The following EPHA5 variants were observed in gnomAD, a reference collection of about 807,000 sequenced individuals.
The protein encoded by EPHA5 is ephrin type-A receptor 5.
Under a neutral mutation model 105.0 loss-of-function variants are expected in EPHA5, and 60 were observed. The observed-to-expected ratio is 0.57, with a 90% CI of 0.46 to 0.71. The LOEUF is 0.71. Ranked by LOEUF, EPHA5 falls within the 30% of genes least tolerant of loss-of-function variation. The pLI is 0.00. For missense variants in EPHA5, 1,218 were observed against 1,274.7 expected, an observed-to-expected ratio of 0.96 and a Z score of 0.68; for synonymous variants, 513 against 449.1, an observed-to-expected ratio of 1.14 and a Z score of -1.80.
chr4:65,336,072 A>G lies in EPHA5; in HGVS notation c.2649T>C (p.Pro883=), dbSNP rs759612873. 1.2e-6 allele frequency: 2 copies of G among 1,613,126 alleles called. No individual in the cohort carries two copies. Among genetic ancestry groups the G allele is most frequent in the Admixed American group, 3.3e-5 (2 of 59,860 alleles). ...GYRLPSPMDC[P]AALYQLMLDC... is the part of the protein sequence containing the mutation. Reference sequence around the variant, plus strand: ...CCAGCATTAACTGATAGAGAGCAGCAGGACAATCCATGGGGCTTGGCAGAC... The same window carrying G: ...CCAGCATTAACTGATAGAGAGCAGCGGGACAATCCATGGGGCTTGGCAGAC... Residue 883 remains proline, a synonymous_variant, in exon 15 of 17, where the codon CCT becomes CCC. Transcript: ENST00000613740.
intron 5 of EPHA5, among the ~76,000 whole-genome samples, chr4:65,474,170 C>A (rs904305099): frequency 6.6e-6 from 1 of 151,678 alleles, no homozygotes; most frequent in Non-Finnish European, 1.5e-5. Flanking sequence ...TAAAGTATAA[C>A]AATAATAATA....
At chr4:65,477,213 A>G (rs1285904301) in intron 5 of EPHA5, among the ~76,000 whole-genome samples, 2 of 152,186 alleles carry the variant, frequency 1.3e-5, no homozygotes, top group African/African-American at 4.8e-5. Context: ...CAGCAATTTA[A>G]GTGAATTTGA....
chr4:65,452,056 C>G (rs912864808), intron 5 of EPHA5, among the ~76,000 whole-genome samples: 2 of 152,118 alleles, frequency 1.3e-5, no homozygotes, highest in East Asian at 1.9e-4. Context: ...GGAAATCTAT[C>G]CAGTAAATAT....
At chr4:65,390,980 T>G (rs1172127580) in intron 8 of EPHA5, among the ~76,000 whole-genome samples, 1 of 152,034 alleles carries the variant, frequency 6.6e-6, no homozygotes, top group Non-Finnish European at 1.5e-5. Flanking sequence ...TGGAGAGGCC[T>G]CAGGAAACTT....
rs1279698202 is a variant in EPHA5 at position 65,662,691 on chromosome 4, ATATGTGAGTG to A, written c.181+6861_181+6870del. ...ATAGTAAAACAAATGTAAAATTAGA[ATATGTGAGTG>A]TGTGAGAGTGTGTATGTGGGCAGGG... On this transcript the variant is annotated intron_variant, in intron 1 of 16. Coordinates refer to ENST00000613740, the MANE Select transcript of EPHA5 (RefSeq NM_001281766.3). 2.6e-5 allele frequency among the ~76,000 whole-genome samples: 4 copies of A among 152,244 alleles called. No individual in the cohort carries two copies. In the East Asian group the frequency reaches 7.7e-4, roughly 29 times the overall value.
At chr4:65,377,632 CA>C (rs1312344394) in intron 8 of EPHA5, among the ~76,000 whole-genome samples, 1 of 151,908 alleles carries the variant, frequency 6.6e-6, no homozygotes. Context: ...GATTTAAAAA[CA>C]GTATCTCCAA....
At chr4:65,391,958 A>G (rs1253346605) in intron 8 of EPHA5, among the ~76,000 whole-genome samples, 2 of 152,142 alleles carry the variant, frequency 1.3e-5, no homozygotes, top group Non-Finnish European at 2.9e-5. Context: ...GTTTGCCTCA[A>G]TATAACTTCC....
chr4:65,617,875 A>G (rs4320186), intron 2 of EPHA5, among the ~76,000 whole-genome samples: 132,476 of 152,096 alleles, frequency 0.87, 58,033 homozygotes, highest in Non-Finnish European at 0.91. Flanking sequence ...GCAAGCCCAT[A>G]GAGGTCTCAG....
intron 8 of EPHA5, among the ~76,000 whole-genome samples, chr4:65,399,651 T>A (rs913211898): frequency 6.6e-6 from 1 of 152,244 alleles, no homozygotes; most frequent in Non-Finnish European, 1.5e-5. Context: ...TTTGTTTATA[T>A]GCAAGAACAT....
intron 2 of EPHA5, among the ~76,000 whole-genome samples, chr4:65,632,631 G>T (rs1746756149): frequency 6.6e-6 from 1 of 151,656 alleles, no homozygotes; most frequent in African/African-American, 2.4e-5. Flanking sequence ...AACTGATATA[G>T]GTAATGCAAA....
At chr4:65,587,392 T>G (rs1338690416) in intron 3 of EPHA5, among the ~76,000 whole-genome samples, 1 of 152,090 alleles carries the variant, frequency 6.6e-6, no homozygotes. Flanking sequence ...AATGACACTT[T>G]AATACTCCAA....
intron 8 of EPHA5, among the ~76,000 whole-genome samples, chr4:65,397,427 C>T (rs1360842674): frequency 1.3e-5 from 2 of 152,058 alleles, no homozygotes; most frequent in African/African-American, 4.8e-5. Flanking sequence ...TGTTCCCCAC[C>T]TAAAACATTT....
chr4:65,531,919 C>T (rs1337645971), intron 3 of EPHA5, among the ~76,000 whole-genome samples: 1 of 152,148 alleles, frequency 6.6e-6, no homozygotes, highest in African/African-American at 2.4e-5. Context: ...ATACATAAGC[C>T]TATCTCAAAA....
chr4:65,551,704 A>G (rs187136333), intron 3 of EPHA5, among the ~76,000 whole-genome samples: 64 of 152,264 alleles, frequency 4.2e-4, no homozygotes, highest in Admixed American at 9.2e-4. Flanking sequence ...TAACAGTGTC[A>G]ATTTTCAAAC....
At chr4:65,504,713 A>C (rs1019823099) in intron 3 of EPHA5, among the ~76,000 whole-genome samples, 1 of 151,928 alleles carries the variant, frequency 6.6e-6, no homozygotes, top group Admixed American at 6.6e-5. Context: ...AGACTATCGT[A>C]AATCACAATA....
chr4:65,406,801 A>G (rs1411769555), intron 7 of EPHA5, among the ~76,000 whole-genome samples: 1 of 152,102 alleles, frequency 6.6e-6, no homozygotes, highest in Non-Finnish European at 1.5e-5. Flanking sequence ...TGGCCCTTAT[A>G]CCACATCTAC....
chr4:65,501,220 C>A (rs1483122394), intron 3 of EPHA5, among the ~76,000 whole-genome samples: 1 of 151,280 alleles, frequency 6.6e-6, no homozygotes, highest in African/African-American at 2.4e-5. Context: ...ACATTAACAG[C>A]ATTTTATCTT....
intron 5 of EPHA5, among the ~76,000 whole-genome samples, chr4:65,460,320 T>C (rs1172374183): frequency 6.6e-6 from 1 of 151,508 alleles, no homozygotes; most frequent in African/African-American, 2.4e-5. Context: ...TTTAACTGTC[T>C]GAATGAAGAT....
In EPHA5 at chr4:65,557,233, GATAT is replaced by G. The variant is rs61008833; in HGVS notation, c.910+44404_910+44407del. On this transcript the variant is annotated intron_variant, in intron 3 of 16. Transcript: ENST00000613740. ...GTATTTTGAACATCATTTATACTGG[GATAT>G]ATATATATATATATATATATATTCT... is the stretch of plus-strand genomic sequence containing the variant. Among the ~76,000 whole-genome samples, 267 of 90,922 alleles carry G rather than the reference GATAT, an allele frequency of 2.9e-3. 10 individuals carry two copies. Among genetic ancestry groups the G allele is most frequent in the African/African-American group, 0.011 (242 of 22,870 alleles). The allele number at this position is 90,922 out of a possible 152,430, so 59.6% of individuals were successfully genotyped here. A position where few individuals can be genotyped will look rare whatever the true frequency, so the allele number is the denominator to read the frequency against.
Sources: allele counts gnomAD v4.1 joint callset (sites outside exome capture counted in the v4.1 genomes callset), GRCh38; gene constraint gnomAD v4.1.1; transcripts MANE v1.5; gene names NCBI Gene and HGNC (gene_info 2026-07-23, HGNC 2026-07-21).